The following ARHGAP6 variants were observed in gnomAD, a reference collection of about 807,000 sequenced individuals.
The protein encoded by ARHGAP6 is rho GTPase-activating protein 6.
A neutral mutation model predicts 55.7 loss-of-function variants in ARHGAP6; 16 were observed. The observed-to-expected ratio is 0.29, with a 90% CI of 0.19 to 0.44. The LOEUF (loss-of-function observed/expected upper bound fraction) is 0.44, where lower values mean the gene tolerates loss of function less well. Among genes scored for constraint, ARHGAP6 ranks in the 20% least tolerant of loss-of-function variants. ARHGAP6 has a pLI of 1.00. For synonymous variants in ARHGAP6, 382 were observed against 360.9 expected, an observed-to-expected ratio of 1.06 and a Z score of -0.66; for missense variants, 698 against 808.9, an observed-to-expected ratio of 0.86 and a Z score of 1.66.
chrX:11,145,421 C>A (rs905578195), intron 10 of ARHGAP6, among the ~76,000 whole-genome samples: 2 of 111,871 alleles, frequency 1.8e-5, no homozygotes, highest in African/African-American at 6.5e-5. Context: ...ACAGCCGTAA[C>A]TGAGGCAAAC....
intron 1 of ARHGAP6, among the ~76,000 whole-genome samples, chrX:11,277,713 A>ATTTTTT (rs1357284937): frequency 1.5e-4 from 16 of 107,894 alleles, no homozygotes; most frequent in East Asian, 2.8e-4. Flanking sequence ...TTTTTTTTAA[A>ATTTTTT]AAAAAATTAG....
intron 1 of ARHGAP6, among the ~76,000 whole-genome samples, chrX:11,482,863 G>C (rs901862981): frequency 3.8e-4 from 42 of 111,449 alleles, no homozygotes; most frequent in African/African-American, 1.3e-3. Flanking sequence ...GGGGAACACA[G>C]CACTGAGTGG....
intron 1 of ARHGAP6, among the ~76,000 whole-genome samples, chrX:11,475,220 T>C (rs2050391327): frequency 9.0e-6 from 1 of 111,392 alleles, no homozygotes; most frequent in African/African-American, 3.3e-5. Flanking sequence ...CCATTCTTCT[T>C]GTGCCCTATT....
chrX:11,340,195 T>C (rs972487768), intron 1 of ARHGAP6, among the ~76,000 whole-genome samples: 1 of 111,813 alleles, frequency 8.9e-6, no homozygotes, highest in African/African-American at 3.3e-5. Context: ...CAATGGCTTC[T>C]CACTGCAATG....
At chrX:11,643,726 A>G (rs1377684172) in intron 1 of ARHGAP6, among the ~76,000 whole-genome samples, 2 of 111,228 alleles carry the variant, frequency 1.8e-5, no homozygotes, top group Non-Finnish European at 1.9e-5. Context: ...GCTGCCATGT[A>G]GCCTGACCAA....
At chrX:11,341,105 C>T (rs1216466065) in intron 1 of ARHGAP6, among the ~76,000 whole-genome samples, 1 of 110,572 alleles carries the variant, frequency 9.0e-6, no homozygotes, top group Non-Finnish European at 1.9e-5. Context: ...TCTTCTGTAT[C>T]ACAATTGTGA....
At chrX:11,274,120 G>A (rs1406563883) in intron 1 of ARHGAP6, among the ~76,000 whole-genome samples, 1 of 111,207 alleles carries the variant, frequency 9.0e-6, no homozygotes, top group Admixed American at 9.5e-5. Context: ...TCCTACTCAA[G>A]AAAATTCATC....
intron 1 of ARHGAP6, among the ~76,000 whole-genome samples, chrX:11,397,026 T>A (rs1272641382): frequency 8.1e-5 from 9 of 111,453 alleles, no homozygotes; most frequent in Middle Eastern, 4.6e-3. Context: ...GGTTTCCCAT[T>A]CTTGGGAGTA....
chrX:11,258,985 C>G (rs1397458193), intron 1 of ARHGAP6, among the ~76,000 whole-genome samples: 1 of 111,832 alleles, frequency 8.9e-6, no homozygotes, highest in Non-Finnish European at 1.9e-5. Context: ...GAATTACAAA[C>G]CATCCAATTC....
intron 1 of ARHGAP6, among the ~76,000 whole-genome samples, chrX:11,505,415 T>C (rs1478908534): frequency 2.7e-5 from 3 of 110,285 alleles, no homozygotes; most frequent in African/African-American, 9.9e-5. Context: ...GCTGGTGAGG[T>C]TGTGGAGAAA....
rs2052742330 is a variant in ARHGAP6, at chrX:11,665,016, G to A, written c.-188C>T. ...CGCTCCAAGTGCCCCGGCGGCGGCA[G>A]GAGCAGCAGATCCATCACCAGCCTT... is the stretch of plus-strand genomic sequence containing the variant. On this transcript the variant is annotated 5_prime_UTR_variant, in exon 1 of 13. Coordinates refer to ENST00000337414, the MANE Select transcript of ARHGAP6 (RefSeq NM_013427.3). 1.5e-5 allele frequency: 6 copies of A among 401,380 alleles called. No homozygotes were observed. In the Admixed American group the frequency reaches 3.1e-4, roughly 21 times the overall value. 33.1% of individuals were successfully genotyped at this position (401,380 alleles called of 1,213,427 possible). A position where few individuals can be genotyped will look rare whatever the true frequency, so the allele number is the denominator to read the frequency against.
chrX:11,370,067 C>G (rs2049127188), intron 1 of ARHGAP6, among the ~76,000 whole-genome samples: 1 of 112,156 alleles, frequency 8.9e-6, no homozygotes, highest in African/African-American at 3.2e-5. Flanking sequence ...TAGCATGCGT[C>G]AATAGCAGCA....
At chrX:11,657,472 T>C (rs1241196185) in intron 1 of ARHGAP6, among the ~76,000 whole-genome samples, 2 of 108,478 alleles carry the variant, frequency 1.8e-5, no homozygotes, top group Non-Finnish European at 3.8e-5. Context: ...GTAAAGGCAT[T>C]CTGGCCTGGT....
chrX:11,323,437 T>C (rs967896336), intron 1 of ARHGAP6, among the ~76,000 whole-genome samples: 2 of 112,393 alleles, frequency 1.8e-5, no homozygotes, highest in African/African-American at 6.5e-5. Context: ...CTGCTAAAAT[T>C]GAAGCAAGAA....
intron 8 of ARHGAP6, among the ~76,000 whole-genome samples, chrX:11,171,718 T>A (rs1429868049): frequency 9.0e-6 from 1 of 111,257 alleles, no homozygotes; most frequent in Non-Finnish European, 1.9e-5. Context: ...TAGGCTAGGG[T>A]TTCTCTACCT....
intron 1 of ARHGAP6, among the ~76,000 whole-genome samples, chrX:11,370,124 C>T (rs2049127722): frequency 8.9e-6 from 1 of 112,165 alleles, no homozygotes; most frequent in African/African-American, 3.2e-5. Flanking sequence ...CCCAGAATTA[C>T]CAGAAGAAAG....
chrX:11,402,125 A>G (rs1018409654), intron 1 of ARHGAP6, among the ~76,000 whole-genome samples: 9 of 112,023 alleles, frequency 8.0e-5, no homozygotes. Flanking sequence ...ATTAGTAGAT[A>G]CAAGAGTTGG....
chrX:11,629,225 T>C (rs1264901950), intron 1 of ARHGAP6, among the ~76,000 whole-genome samples: 1 of 112,054 alleles, frequency 8.9e-6, no homozygotes, highest in African/African-American at 3.2e-5. Context: ...TCCACAGTTC[T>C]CTTAGGTCCA....
chrX:11,303,806 C>G (rs749749234), intron 1 of ARHGAP6, among the ~76,000 whole-genome samples: 5 of 111,483 alleles, frequency 4.5e-5, no homozygotes, highest in Non-Finnish European at 9.4e-5. Flanking sequence ...CAATCATGAC[C>G]ATTGCCTATC....
Sources: allele counts gnomAD v4.1 joint callset (sites outside exome capture counted in the v4.1 genomes callset), GRCh38; gene constraint gnomAD v4.1.1; transcripts MANE v1.5; gene names NCBI Gene and HGNC (gene_info 2026-07-23, HGNC 2026-07-21).